WFDC6: variants seen among roughly 807,000 people sequenced by gnomAD.
The protein encoded by WFDC6 is WAP four-disulfide core domain 6.
WFDC6 carries 10 observed loss-of-function variants against 8.2 expected under a neutral mutation model. That is an observed-to-expected ratio of 1.22 (90% CI 0.75 to 2.07). The LOEUF (loss-of-function observed/expected upper bound fraction) is 2.07. Among genes scored for constraint, WFDC6 ranks in the 30% most tolerant of loss-of-function variants. The pLI, the probability that WFDC6 is intolerant of heterozygous loss-of-function variation, is 0.00. For synonymous variants in WFDC6, 28 were observed against 37.0 expected, an observed-to-expected ratio of 0.76 and a Z score of 0.88; for missense variants, 105 against 104.9, an observed-to-expected ratio of 1.00 and a Z score of 0.00.
intron 1 of WFDC6, 22 bp downstream of exon 1, chr20:45,539,295 G>A (rs748021087): frequency 1.2e-6 from 2 of 1,610,650 alleles, no homozygotes; most frequent in South Asian, 1.1e-5. Context: ...CCCATTGCAA[G>A]GACGGAGTTC....
intron 2 of WFDC6, chr20:45,536,845 GT>G: frequency 6.5e-6 from 1 of 153,794 alleles, no homozygotes; most frequent in Non-Finnish European, 1.5e-5. Flanking sequence ...CTGAAAATCT[GT>G]TATAGAATTA....
chr20:45,538,041 T>C lies in WFDC6; in HGVS notation c.145A>G (p.Thr49Ala), dbSNP rs1239016382. 6.2e-7 allele frequency: 1 copy of C among 1,614,058 alleles called. No homozygotes were observed. The highest frequency in any genetic ancestry group is 8.5e-7 in the Non-Finnish European group (1 of 1,179,932). The change falls in exon 2 of 3, where the codon ACC (threonine) becomes GCC (alanine). Residue 49 changes from threonine (T) to alanine (A), a missense_variant. Physicochemically the swap from Thr to Ala is moderately conservative, Grantham distance 58. Transcript: ENST00000372670. The stretch of plus-strand genomic sequence containing the variant: ...TTTTCTGGGCAATCTCTGGGTTTGG[T>C]ACACTGGTCTATTTCTTCCACTTCG... ...ECEVEEIDQCTKPRDCPENMK... is the reference protein window; with the variant it reads ...ECEVEEIDQCAKPRDCPENMK...
intron 2 of WFDC6, chr20:45,535,112 C>T (rs1479420003): frequency 7.8e-7 from 1 of 1,277,742 alleles, no homozygotes; most frequent in Non-Finnish European, 1.0e-6. Context: ...ACCCAGACCT[C>T]CCAGTGTGGC....
In WFDC6 at chr20:45,534,405, A is replaced by G. The variant is rs756395494; in HGVS notation, c.*62T>C. On this transcript the variant is annotated 3_prime_UTR_variant, in exon 3 of 3. Transcript: ENST00000372670. ...GCCAAGGTTTGGCCCGTGGAAGCCA[A>G]TTTGGAGCATCAATCAGGCACACGT... 1.9e-6 allele frequency: 3 copies of G among 1,607,372 alleles called. No homozygotes were observed. The Admixed American group carries it at 5.0e-5, about 27-fold the overall frequency.
chr20:45,535,486 T>C (rs1467020719), intron 2 of WFDC6, among the ~76,000 whole-genome samples: 1 of 152,104 alleles, frequency 6.6e-6, no homozygotes, highest in Admixed American at 6.5e-5. Flanking sequence ...TGACCACTCA[T>C]TTTACCTCTC....
intron 2 of WFDC6, among the ~76,000 whole-genome samples, chr20:45,536,326 C>T (rs1263028562): frequency 6.6e-6 from 1 of 151,880 alleles, no homozygotes; most frequent in Non-Finnish European, 1.5e-5. Flanking sequence ...GCCCATAGTG[C>T]TATGAGGTAC....
intron 2 of WFDC6, chr20:45,536,682 A>G (rs1979378926): frequency 6.6e-6 from 1 of 152,158 alleles, no homozygotes. Flanking sequence ...AAAATTTGTT[A>G]CTTGTTTATT....
Position 45,538,145 on chromosome 20 carries a change from C to T in WFDC6, c.92-51G>A, listed in dbSNP as rs778272184. 1.2e-5 allele frequency: 20 copies of T among 1,611,632 alleles called. No individual in the cohort carries two copies. The Admixed American group carries it at 3.3e-4, about 27-fold the overall frequency. On this transcript the variant is annotated intron_variant, in intron 1 of 2. Coordinates refer to ENST00000372670, the MANE Select transcript of WFDC6 (RefSeq NM_080827.2). ...TCAAGGCCTTAAAGGAGCCAGTGCT[C>T]CCCCTCCCCGAGACCAGGGCACCCC...
chr20:45,537,555 AG>A, intron 2 of WFDC6: 1 of 1,550,064 alleles, frequency 6.5e-7, no homozygotes, highest in East Asian at 2.4e-5. Flanking sequence ...AGAGGCCTAG[AG>A]AAAAAAGCCA....
At chr20:45,534,597 C>A in intron 2 of WFDC6, 92 bp from the exon 3 acceptor site, 1 of 1,451,172 alleles carries the variant, frequency 6.9e-7, no homozygotes, top group Non-Finnish European at 9.5e-7. Context: ...GAGGTGGGAT[C>A]ATTTTTACAT....
At chr20:45,538,500 C>T (rs1979460348) in intron 1 of WFDC6, among the ~76,000 whole-genome samples, 1 of 152,168 alleles carries the variant, frequency 6.6e-6, no homozygotes, top group South Asian at 2.1e-4. Context: ...GTGCCAGGCA[C>T]TCTCTCTGAG....
rs1055545173 is a variant in WFDC6, at chr20:45,536,264, A to C, written c.222+1700T>G. On this transcript the variant is annotated intron_variant, in intron 2 of 2. Coordinates refer to ENST00000372670, the MANE Select transcript of WFDC6 (RefSeq NM_080827.2). ...GGAGTATTCACAGAAAAAAAAAAAA[A>C]CCCAAAACTCAAATCTACCCTGATC... Among the ~76,000 whole-genome samples the C allele has an allele frequency of 1.4e-4, 20 of 143,270 alleles. No individual in the cohort carries two copies. In the East Asian group the frequency reaches 3.2e-3, roughly 23 times the overall value. The allele number at this position is 143,270 out of a possible 152,430, so 94.0% of individuals were successfully genotyped here.
intron 2 of WFDC6, chr20:45,535,110 C>T: frequency 7.8e-7 from 1 of 1,275,006 alleles, no homozygotes. Context: ...ACACCCAGAC[C>T]TCCCAGTGTG....
intron 2 of WFDC6, among the ~76,000 whole-genome samples, chr20:45,536,371 C>G (rs547537409): frequency 5.3e-5 from 8 of 152,064 alleles, no homozygotes; most frequent in Non-Finnish European, 8.8e-5. Flanking sequence ...GTCTGAAGCA[C>G]GACAAAACAA....
intron 2 of WFDC6, chr20:45,537,453 A>T: frequency 7.5e-7 from 1 of 1,326,550 alleles, no homozygotes; most frequent in Non-Finnish European, 1.1e-6. Context: ...GTCCTTGATG[A>T]TCTTCTTTAG....
intron 2 of WFDC6, chr20:45,537,319 A>C (rs1979403796): frequency 6.7e-6 from 4 of 594,844 alleles, no homozygotes; most frequent in Non-Finnish European, 1.2e-5. Flanking sequence ...TTCAGATCTT[A>C]AATCATGGAT....
intron 1 of WFDC6, among the ~76,000 whole-genome samples, chr20:45,538,446 T>C (rs996924879): frequency 6.6e-6 from 1 of 152,190 alleles, no homozygotes; most frequent in Non-Finnish European, 1.5e-5. Context: ...TTAACATTTC[T>C]GGCATCAGAT....
At chr20:45,537,664 A>G in intron 2 of WFDC6, 1 of 1,239,772 alleles carries the variant, frequency 8.1e-7, no homozygotes, top group Non-Finnish European at 1.2e-6. Context: ...GCATCTCGAG[A>G]ATCACTGAAG....
chr20:45,537,915 G>A (rs1979428124), intron 2 of WFDC6, 49 bp downstream of exon 2: 3 of 1,613,104 alleles, frequency 1.9e-6, no homozygotes, highest in East Asian at 2.2e-5. Flanking sequence ...CAGTGCAGGT[G>A]GAGATAGGAG....
Sources: allele counts gnomAD v4.1 joint callset (sites outside exome capture counted in the v4.1 genomes callset), GRCh38; gene constraint gnomAD v4.1.1; transcripts MANE v1.5; gene names NCBI Gene and HGNC (gene_info 2026-07-23, HGNC 2026-07-21).